Variants in GATB observed in about 807,000 individuals in gnomAD.
GATB encodes the protein glutamyl-tRNA amidotransferase subunit B, also known as glutamyl-tRNA(Gln) amidotransferase subunit B, mitochondrial.
A neutral mutation model predicts 62.3 loss-of-function variants in GATB; 39 were observed. That is an observed-to-expected ratio of 0.63 (90% confidence interval 0.48 to 0.82). GATB has a LOEUF of 0.82. Ranked by LOEUF, GATB falls within the 40% of genes least tolerant of loss-of-function variation. The pLI, the probability that GATB is intolerant of heterozygous loss-of-function variation, is 0.00. For missense variants in GATB, 670 were observed against 684.0 expected (o/e 0.98, Z 0.23); for synonymous variants, 276 against 258.9 (o/e 1.07, Z -0.63).
intron 9 of GATB, among the ~76,000 whole-genome samples, chr4:151,689,071 T>C (rs1005137749): frequency 1.3e-5 from 2 of 152,246 alleles, no homozygotes; most frequent in Non-Finnish European, 2.9e-5. Flanking sequence ...TCTCCGTGTC[T>C]GCTGTGTGTA....
intron 9 of GATB, among the ~76,000 whole-genome samples, chr4:151,694,975 A>C (rs908493562): frequency 2.0e-5 from 3 of 152,230 alleles, no homozygotes; most frequent in Non-Finnish European, 4.4e-5. Flanking sequence ...TATGATTTTA[A>C]AAGTGGAAGA....
intron 2 of GATB, among the ~76,000 whole-genome samples, chr4:151,742,145 G>A (rs955158765): frequency 1.3e-5 from 2 of 149,822 alleles, no homozygotes; most frequent in East Asian, 3.9e-4. Context: ...CCGGAGTGCA[G>A]TGGCGCTATC....
chr4:151,681,601 C>G (rs1738138805), intron 10 of GATB, among the ~76,000 whole-genome samples: 1 of 152,164 alleles, frequency 6.6e-6, no homozygotes, highest in African/African-American at 2.4e-5. Flanking sequence ...TGAGGTGGAA[C>G]TGGATTTCTT....
chr4:151,715,022 C>T (rs993543008), intron 5 of GATB, among the ~76,000 whole-genome samples: 4 of 152,232 alleles, frequency 2.6e-5, no homozygotes, highest in Non-Finnish European at 5.9e-5. Context: ...GCTTATTACA[C>T]ATCCTATGTG....
intron 10 of GATB, among the ~76,000 whole-genome samples, chr4:151,686,224 G>A (rs967267169): frequency 6.6e-6 from 1 of 152,040 alleles, no homozygotes; most frequent in African/African-American, 2.4e-5. Flanking sequence ...AGCTCTCTGA[G>A]GCACGTCCTG....
intron 12 of GATB, among the ~76,000 whole-genome samples, chr4:151,672,000 A>G (rs1350182701): frequency 6.6e-6 from 1 of 152,210 alleles, no homozygotes; most frequent in Non-Finnish European, 1.5e-5. Context: ...GTCACCACAG[A>G]TGAGGCAGGA....
intron 2 of GATB, among the ~76,000 whole-genome samples, chr4:151,727,127 C>T (rs1330118573): frequency 6.6e-6 from 1 of 152,166 alleles, no homozygotes; most frequent in Non-Finnish European, 1.5e-5. Context: ...TGCTATGTTG[C>T]CCAGGCTGCT....
intron 5 of GATB, among the ~76,000 whole-genome samples, chr4:151,715,115 T>A (rs910378679): frequency 1.3e-5 from 2 of 152,240 alleles, no homozygotes; most frequent in African/African-American, 4.8e-5. Flanking sequence ...TAAACAGTAT[T>A]ATCAACCAGC....
In GATB at chr4:151,671,049, G is replaced by T. The variant is rs1241484760; in HGVS notation, c.*125C>A. On this transcript the variant is annotated 3_prime_UTR_variant, in exon 13 of 13. Coordinates refer to ENST00000263985, the MANE Select transcript of GATB (RefSeq NM_004564.3). ...CACTGGTGACATTAATGCCATAGCT[G>T]TGGCTTGGGACAGGGATTGAGAGGC... The T allele has an allele frequency of 3.6e-6, 4 of 1,104,298 alleles. No homozygotes were observed. The highest frequency in any genetic ancestry group is 5.3e-6 in the Non-Finnish European group (4 of 749,334). 68.4% of individuals were successfully genotyped at this position (1,104,298 alleles called of 1,614,324 possible). A position where few individuals can be genotyped will look rare whatever the true frequency, so the allele number is the denominator to read the frequency against.
intron 2 of GATB, chr4:151,724,009 T>C (rs1380855583): frequency 1.3e-5 from 2 of 152,126 alleles, no homozygotes; most frequent in African/African-American, 4.8e-5. Context: ...AGTGCTGCAA[T>C]CATAATTGTT....
chr4:151,697,949 G>GTATATATATATATATA (rs781688717), intron 9 of GATB, among the ~76,000 whole-genome samples: 1,582 of 96,804 alleles, frequency 0.016, 172 homozygotes, highest in African/African-American at 0.092. Context: ...GTGTGTGTGT[G>GTATATATATATATATA]TGTGTATATA....
At chr4:151,694,084 A>G (rs1256973389) in intron 9 of GATB, among the ~76,000 whole-genome samples, 1 of 152,206 alleles carries the variant, frequency 6.6e-6, no homozygotes, top group African/African-American at 2.4e-5. Flanking sequence ...ACCACTGTCC[A>G]ATCGTCCCCA....
intron 5 of GATB, among the ~76,000 whole-genome samples, chr4:151,710,903 G>T (rs1015117518): frequency 1.3e-5 from 2 of 152,048 alleles, no homozygotes; most frequent in African/African-American, 4.8e-5. Flanking sequence ...TACAGCTCTG[G>T]TATCTATTTG....
chr4:151,722,524 T>A lies in GATB; in HGVS notation c.328-2986A>T, dbSNP rs1739051713. On this transcript the variant is annotated intron_variant, in intron 2 of 12. Transcript: ENST00000263985. ...CCACCATGTCCCCCCACAACACCTCTGCTGTAGTTCCTCTGTGCAAACCGT... is the reference window on the plus strand; with the variant it reads ...CCACCATGTCCCCCCACAACACCTCAGCTGTAGTTCCTCTGTGCAAACCGT... 1.4e-5 allele frequency: 5 copies of A among 348,334 alleles called. No homozygotes were observed. In the South Asian group the frequency reaches 2.0e-4, roughly 14 times the overall value. 21.6% of individuals were successfully genotyped at this position (348,334 alleles called of 1,614,324 possible). A position where few individuals can be genotyped will look rare whatever the true frequency, so the allele number is the denominator to read the frequency against.
chr4:151,680,095 T>C (rs569259204), intron 10 of GATB, among the ~76,000 whole-genome samples: 1 of 152,178 alleles, frequency 6.6e-6, no homozygotes, highest in South Asian at 2.1e-4. Context: ...TTGTGACTAG[T>C]GTTCTTTCTT....
At chr4:151,678,466 T>C (rs1738059508) in intron 11 of GATB, among the ~76,000 whole-genome samples, 1 of 152,154 alleles carries the variant, frequency 6.6e-6, no homozygotes, top group African/African-American at 2.4e-5. Flanking sequence ...TCTACATATA[T>C]ATATAGTGCT....
intron 2 of GATB, among the ~76,000 whole-genome samples, chr4:151,755,520 G>C (rs530443102): frequency 2.0e-5 from 3 of 152,312 alleles, no homozygotes; most frequent in Admixed American, 1.3e-4. Context: ...CAATAAACAT[G>C]TTGGGCGAAT....
At chr4:151,732,837 T>C (rs989667131) in intron 2 of GATB, among the ~76,000 whole-genome samples, 1 of 151,466 alleles carries the variant, frequency 6.6e-6, no homozygotes, top group South Asian at 2.1e-4. Flanking sequence ...GCTAAAATTA[T>C]ATTAAAAACT....
At chr4:151,676,144 T>G (rs1737996293) in intron 11 of GATB, 1 of 152,122 alleles carries the variant, frequency 6.6e-6, no homozygotes, top group South Asian at 2.1e-4. Flanking sequence ...CCCAAGCCCC[T>G]AATAAAGCGG....
Sources: allele counts gnomAD v4.1 joint callset (sites outside exome capture counted in the v4.1 genomes callset), GRCh38; gene constraint gnomAD v4.1.1; transcripts MANE v1.5; gene names NCBI Gene and HGNC (gene_info 2026-07-23, HGNC 2026-07-21).